The following NPC1 variants were observed in gnomAD, a reference collection of about 807,000 sequenced individuals.
The protein encoded by NPC1 is NPC intracellular cholesterol transporter 1, also known as Niemann-Pick C1 protein.
A neutral mutation model predicts 140.4 loss-of-function variants in NPC1; 85 were observed. The observed-to-expected ratio is 0.61, with a 90% CI of 0.51 to 0.72. The LOEUF (loss-of-function observed/expected upper bound fraction) is 0.72, where lower values mean the gene tolerates loss of function less well. Among genes scored for constraint, NPC1 ranks in the 30% least tolerant of loss-of-function variants. The probability of loss-of-function intolerance (pLI) is 0.00; values close to 1 mark genes in which losing one functional copy is unlikely to be tolerated. For missense variants in NPC1, 1,504 were observed against 1,623.8 expected (o/e 0.93, Z 1.27); for synonymous variants, 656 against 624.8 (o/e 1.05, Z -0.74).
chr18:23,575,257 G>C (rs1422909469), intron 1 of NPC1, among the ~76,000 whole-genome samples: 3 of 152,188 alleles, frequency 2.0e-5, no homozygotes, highest in Non-Finnish European at 2.9e-5. Context: ...AATAAAGATG[G>C]CCCACTGCTG....
At chr18:23,545,205 G>T in intron 11 of NPC1, 56 bp from the exon 12 acceptor site, 1 of 1,288,244 alleles carries the variant, frequency 7.8e-7, no homozygotes, top group Non-Finnish European at 1.1e-6. Context: ...AGCTAAGTAA[G>T]AAACTTCTCC....
At chr18:23,559,226 G>C (rs573770812) in intron 6 of NPC1, among the ~76,000 whole-genome samples, 1 of 152,082 alleles carries the variant, frequency 6.6e-6, no homozygotes, top group Non-Finnish European at 1.5e-5. Context: ...ATAATCCTTT[G>C]GGTATATACC....
intron 3 of NPC1, among the ~76,000 whole-genome samples, chr18:23,515,261 C>G (rs1271635782): frequency 2.0e-5 from 3 of 152,120 alleles, no homozygotes; most frequent in Non-Finnish European, 4.4e-5. Flanking sequence ...AACAGCCTAC[C>G]CAGGCTATAA....
downstream of NPC1, among the ~76,000 whole-genome samples, chr18:23,519,404 G>A (rs898846265): frequency 7.2e-5 from 11 of 152,194 alleles, no homozygotes; most frequent in Admixed American, 3.3e-4. Flanking sequence ...TATAGTCCCA[G>A]CTACTTGTGG....
intron 10 of NPC1, among the ~76,000 whole-genome samples, chr18:23,551,226 T>A (rs1210045140): frequency 6.6e-6 from 1 of 152,354 alleles, no homozygotes; most frequent in East Asian, 1.9e-4. Context: ...TTGTTTCTTT[T>A]TCCACATACC....
chr18:23,513,928 T>C (rs1028067386), intron 3 of NPC1, among the ~76,000 whole-genome samples: 1 of 152,244 alleles, frequency 6.6e-6, no homozygotes, highest in Non-Finnish European at 1.5e-5. Context: ...ATTAACACCT[T>C]CTTAGAGATA....
downstream of NPC1, among the ~76,000 whole-genome samples, chr18:23,518,033 A>C (rs1256419896): frequency 6.6e-6 from 1 of 152,186 alleles, no homozygotes; most frequent in Non-Finnish European, 1.5e-5. Flanking sequence ...TCCTGTTTAG[A>C]CAATAGATAA....
downstream of NPC1, among the ~76,000 whole-genome samples, chr18:23,525,222 A>C (rs190957678): frequency 6.4e-3 from 974 of 152,030 alleles, 13 homozygotes; most frequent in African/African-American, 0.023. Context: ...CTGGGATTAC[A>C]GGCATGAGCC....
chr18:23,550,734 C>T (rs1177036000), intron 10 of NPC1, among the ~76,000 whole-genome samples: 1 of 152,066 alleles, frequency 6.6e-6, no homozygotes, highest in East Asian at 1.9e-4. Flanking sequence ...GATCCACCCG[C>T]CTCGGCCTCC....
At chr18:23,585,379 C>G (rs762598557) in intron 1 of NPC1, among the ~76,000 whole-genome samples, 8 of 152,234 alleles carry the variant, frequency 5.3e-5, no homozygotes, top group Non-Finnish European at 8.8e-5. Context: ...CACCTATCCC[C>G]TTCTGAGAAC....
downstream of NPC1, chr18:23,530,593 G>A (rs1037619043): frequency 6.8e-6 from 11 of 1,613,828 alleles, no homozygotes; most frequent in Non-Finnish European, 9.3e-6. Context: ...GTTTGCGAGG[G>A]AGCCCCAATT....
chr18:23,560,848 G>T (rs1229760073), intron 5 of NPC1, among the ~76,000 whole-genome samples: 1 of 152,136 alleles, frequency 6.6e-6, no homozygotes, highest in African/African-American at 2.4e-5. Context: ...TGACAGCAAT[G>T]CCTGAAGGCA....
At chr18:23,543,937 C>CAAAA (rs2058747979) in intron 13 of NPC1, among the ~76,000 whole-genome samples, 2 of 152,190 alleles carry the variant, frequency 1.3e-5, no homozygotes, top group African/African-American at 4.8e-5. Context: ...ACGTGTTGAC[C>CAAAA]TTTTGCCTTT....
chr18:23,543,626 T>C (rs924142786), intron 13 of NPC1, 57 bp from the exon 14 acceptor site: 21 of 991,226 alleles, frequency 2.1e-5, no homozygotes, highest in Non-Finnish European at 3.3e-5. Flanking sequence ...AACAACGCCA[T>C]TTCTTGCTGC....
downstream of NPC1, among the ~76,000 whole-genome samples, chr18:23,521,679 A>AAC (rs1363812279): frequency 6.9e-6 from 1 of 144,174 alleles, no homozygotes; most frequent in Non-Finnish European, 1.5e-5. Flanking sequence ...AAGAATATTC[A>AAC]ACACACACTC....
At chr18:23,566,618 T>C (rs1452786682) in intron 4 of NPC1, among the ~76,000 whole-genome samples, 1 of 151,916 alleles carries the variant, frequency 6.6e-6, no homozygotes, top group African/African-American at 2.4e-5. Context: ...ACACACTCTA[T>C]AGATTCAGTT....
chr18:23,544,948 C>CCCCCCA lies in NPC1; in HGVS notation c.1947+11_1947+12insTGGGGG, dbSNP rs1555634669. ...TAACCTCTAGAACATACACCACCCC[C>CCCCCCA]CCCCGGCTTACCAGAAGCCTGCGAC... is the stretch of plus-strand genomic sequence containing the variant. On this transcript the variant is annotated intron_variant, in intron 12 of 24. Coordinates refer to ENST00000269228, the MANE Select transcript of NPC1 (RefSeq NM_000271.5). 2.2e-6 allele frequency: 3 copies of CCCCCCA among 1,379,418 alleles called. No homozygotes were observed. Among genetic ancestry groups the CCCCCCA allele is most frequent in the Non-Finnish European group, 3.1e-6 (3 of 980,114 alleles). The allele number at this position is 1,379,418 out of a possible 1,614,324, so 85.4% of individuals were successfully genotyped here. A position where few individuals can be genotyped will look rare whatever the true frequency, so the allele number is the denominator to read the frequency against.
chr18:23,560,680 G>A (rs569623250), intron 5 of NPC1, among the ~76,000 whole-genome samples, 200 bp from the exon 6 acceptor site: 4 of 152,142 alleles, frequency 2.6e-5, no homozygotes, highest in Non-Finnish European at 5.9e-5. Flanking sequence ...AAACTTGCGC[G>A]TAGGGGTTTG....
chr18:23,537,995 C>T (rs539632593), intron 20 of NPC1, among the ~76,000 whole-genome samples: 1 of 152,254 alleles, frequency 6.6e-6, no homozygotes, highest in African/African-American at 2.4e-5. Context: ...CAGAGACTTC[C>T]GGTCATCATC....
Sources: gnomAD v4.1 joint callset for allele counts (sites outside exome capture counted in the v4.1 genomes callset) on GRCh38, gnomAD v4.1.1 for gene constraint, MANE v1.5 for transcripts, NCBI Gene and HGNC (gene_info 2026-07-23, HGNC 2026-07-21) for gene names.